SORCS1: variants seen among roughly 807,000 people sequenced by gnomAD.
SORCS1 encodes the protein VPS10 domain-containing receptor SorCS1.
In SORCS1, 60 loss-of-function variants were observed where a neutral mutation model predicts 146.1. The observed-to-expected ratio is 0.41, with a 90% CI of 0.33 to 0.51. The LOEUF (loss-of-function observed/expected upper bound fraction) is 0.51. Among genes scored for constraint, SORCS1 ranks in the 20% least tolerant of loss-of-function variants. The pLI is 0.21. For synonymous variants in SORCS1, 637 were observed against 584.0 expected (o/e 1.09, Z -1.31); for missense variants, 1,352 against 1,487.6 (o/e 0.91, Z 1.50).
In SORCS1 at chr10:106,652,510, C is replaced by T. The variant is rs746985682; in HGVS notation, c.2347G>A (p.Glu783Lys). 1 of 1,614,108 alleles carries T rather than the reference C, an allele frequency of 6.2e-7. No individual in the cohort carries two copies. The highest frequency in any genetic ancestry group is 1.7e-5 in the Admixed American group (1 of 60,030). Residue 783 changes from glutamate to lysine, a missense_variant, in exon 18 of 26, where the codon GAA (glutamate) becomes AAA (lysine). Glu to Lys is a moderately conservative substitution (Grantham distance 56, BLOSUM62 1). Transcript: ENST00000263054. ...VSNNCTDGVR[E>K]QYTAKPQKCP... ...TTCTGCGGTTTGGCAGTGTACTGTT[C>T]CCTTACGCCATCAGTGCAATTATTG...
intron 1 of SORCS1, among the ~76,000 whole-genome samples, chr10:107,125,475 C>T (rs1166082437): frequency 1.3e-5 from 2 of 152,196 alleles, no homozygotes; most frequent in African/African-American, 4.8e-5. Context: ...ATGTCAGGAG[C>T]ATGGATATTC....
chr10:106,999,980 T>C (rs1446028887), intron 1 of SORCS1, among the ~76,000 whole-genome samples: 7 of 150,332 alleles, frequency 4.7e-5, no homozygotes, highest in African/African-American at 7.5e-5. Context: ...GAGGGAAAGT[T>C]TGGGGTTTCT....
At chr10:106,800,189 T>C (rs1367712943) in intron 3 of SORCS1, among the ~76,000 whole-genome samples, 1 of 152,108 alleles carries the variant, frequency 6.6e-6, no homozygotes, top group Non-Finnish European at 1.5e-5. Flanking sequence ...TAACACTAGC[T>C]CTAACCTCTC....
chr10:107,178,781 C>A, the SORCS1 span, among the ~76,000 whole-genome samples: 1 of 152,014 alleles, frequency 6.6e-6, no homozygotes, highest in African/African-American at 2.4e-5. Flanking sequence ...AGCCACTGTG[C>A]CAGTCTTTGA....
intron 2 of SORCS1, among the ~76,000 whole-genome samples, chr10:106,850,629 G>C (rs1289575673): frequency 6.6e-6 from 1 of 152,096 alleles, no homozygotes; most frequent in East Asian, 1.9e-4. Flanking sequence ...TTCCTTTCTA[G>C]GAGAGAGAAA....
At chr10:106,989,553 C>G (rs1007402730) in intron 1 of SORCS1, among the ~76,000 whole-genome samples, 1 of 152,058 alleles carries the variant, frequency 6.6e-6, no homozygotes, top group Non-Finnish European at 1.5e-5. Context: ...TCATCCTCTC[C>G]CCCTTCTTGC....
At chr10:106,958,899 A>G (rs1205483446) in intron 1 of SORCS1, among the ~76,000 whole-genome samples, 1 of 152,218 alleles carries the variant, frequency 6.6e-6, no homozygotes, top group Non-Finnish European at 1.5e-5. Context: ...ACTCCACCTC[A>G]GTACAATTTT....
intron 1 of SORCS1, among the ~76,000 whole-genome samples, chr10:107,072,412 C>A (rs921826036): frequency 6.6e-6 from 1 of 152,090 alleles, no homozygotes; most frequent in African/African-American, 2.4e-5. Context: ...ATAATAGATG[C>A]CTTGGAACGG....
chr10:106,973,759 C>T (rs1955886052), intron 1 of SORCS1, among the ~76,000 whole-genome samples: 1 of 152,164 alleles, frequency 6.6e-6, no homozygotes, highest in East Asian at 1.9e-4. Flanking sequence ...TACTACAGCA[C>T]ATAAAAGTGA....
At chr10:107,087,164 T>C (rs922368923) in intron 1 of SORCS1, among the ~76,000 whole-genome samples, 1 of 152,250 alleles carries the variant, frequency 6.6e-6, no homozygotes, top group Non-Finnish European at 1.5e-5. Context: ...GGGGTTGTCT[T>C]TGGTGAGACA....
intron 19 of SORCS1, among the ~76,000 whole-genome samples, chr10:106,625,343 T>G (rs1418352254): frequency 6.6e-6 from 1 of 152,144 alleles, no homozygotes; most frequent in Non-Finnish European, 1.5e-5. Flanking sequence ...TTGTCTGCAA[T>G]GTTTAAAAAA....
intron 8 of SORCS1, among the ~76,000 whole-genome samples, chr10:106,705,501 T>C (rs996454610): frequency 3.3e-5 from 5 of 152,216 alleles, no homozygotes; most frequent in African/African-American, 1.2e-4. Flanking sequence ...GACAAAGTGA[T>C]GGATGAAAAT....
chr10:106,696,017 GT>G (rs1853676087), intron 9 of SORCS1, among the ~76,000 whole-genome samples: 2 of 152,184 alleles, frequency 1.3e-5, no homozygotes, highest in South Asian at 4.1e-4. Flanking sequence ...AGAAAGACCC[GT>G]CAGCAATGCA....
At chr10:106,636,798 C>G (rs1848753460) in intron 18 of SORCS1, among the ~76,000 whole-genome samples, 1 of 152,208 alleles carries the variant, frequency 6.6e-6, no homozygotes, top group Non-Finnish European at 1.5e-5. Flanking sequence ...TGCCTAGAGT[C>G]ACAAGACTAG....
intron 2 of SORCS1, among the ~76,000 whole-genome samples, chr10:106,861,892 A>C (rs1477474523): frequency 6.6e-6 from 1 of 152,226 alleles, no homozygotes; most frequent in Non-Finnish European, 1.5e-5. Flanking sequence ...CATCTCAAAA[A>C]AAAGTGTAAG....
intron 2 of SORCS1, among the ~76,000 whole-genome samples, chr10:106,950,254 AG>A (rs1954604531): frequency 6.6e-6 from 1 of 152,210 alleles, no homozygotes; most frequent in Admixed American, 6.5e-5. Flanking sequence ...CGGGAGCAAA[AG>A]CTCATTAATT....
At chr10:106,744,615 T>C (rs1857589430) in intron 5 of SORCS1, among the ~76,000 whole-genome samples, 1 of 152,222 alleles carries the variant, frequency 6.6e-6, no homozygotes, top group Non-Finnish European at 1.5e-5. Flanking sequence ...ATATTTTTCA[T>C]GTATTTTTTA....
chr10:107,079,197 G>T (rs573828163), intron 1 of SORCS1, among the ~76,000 whole-genome samples: 258 of 150,786 alleles, frequency 1.7e-3, no homozygotes, highest in African/African-American at 4.9e-3. Context: ...CTGCACTCCA[G>T]CCTGGGCAAC....
At chr10:107,000,446 A>C (rs189836307) in intron 1 of SORCS1, among the ~76,000 whole-genome samples, 42 of 152,042 alleles carry the variant, frequency 2.8e-4, no homozygotes, top group African/African-American at 1.0e-3. Context: ...AAAATACAAA[A>C]AAAAAAAAAA....
Sources: gnomAD v4.1 joint callset for allele counts (sites outside exome capture counted in the v4.1 genomes callset) on GRCh38, gnomAD v4.1.1 for gene constraint, MANE v1.5 for transcripts, NCBI Gene and HGNC (gene_info 2026-07-23, HGNC 2026-07-21) for gene names.